The following SERPINB12 variants were observed in gnomAD, a reference collection of about 807,000 sequenced individuals.
SERPINB12 encodes serpin B12.
In SERPINB12, 57 loss-of-function variants were observed where a neutral mutation model predicts 41.1. The observed-to-expected ratio is 1.39, with a 90% CI of 1.12 to 1.73. The LOEUF (loss-of-function observed/expected upper bound fraction) is 1.73, where lower values mean the gene tolerates loss of function less well. SERPINB12 is among the 40% of genes most tolerant of loss of function. SERPINB12 has a pLI of 0.00. For synonymous variants in SERPINB12, 180 were observed against 181.3 expected, an observed-to-expected ratio of 0.99 and a Z score of 0.06; for missense variants, 536 against 501.9, an observed-to-expected ratio of 1.07 and a Z score of -0.65.
At chr18:63,540,752 C>T (rs553482716), upstream of SERPINB12, among the ~76,000 whole-genome samples, 184 of 152,156 alleles carry the variant, frequency 1.2e-3, 2 homozygotes, top group Middle Eastern at 3.4e-3. Flanking sequence ...TTTAATAAAA[C>T]TTTGTATATA....
At chr18:63,556,367 TG>T in intron 2 of SERPINB12, 40 bp downstream of exon 2, 1 of 1,574,984 alleles carries the variant, frequency 6.3e-7, no homozygotes, top group Non-Finnish European at 8.7e-7. Context: ...TCCTAAACTC[TG>T]GGTCCACACT....
the SERPINB12 span, among the ~76,000 whole-genome samples, chr18:63,524,150 AC>A: frequency 1.3e-5 from 2 of 152,184 alleles, no homozygotes; most frequent in African/African-American, 2.4e-5. Flanking sequence ...AAAGATCAAC[AC>A]TTTAAGTAAA....
At chr18:63,544,617 T>C (rs1375649418) in intron 1 of SERPINB12, among the ~76,000 whole-genome samples, 1 of 152,136 alleles carries the variant, frequency 6.6e-6, no homozygotes, top group African/African-American at 2.4e-5. Context: ...GTCTCTGTCA[T>C]ATTGGGGTGG....
chr18:63,566,558 T>C, intron 7 of SERPINB12, 49 bp from the exon 8 acceptor site: 1 of 1,521,110 alleles, frequency 6.6e-7, no homozygotes, highest in Non-Finnish European at 8.8e-7. Context: ...TGGGGCATTC[T>C]TTGTGGTCCC....
chr18:63,545,503 A>G (rs1910367343), intron 1 of SERPINB12, among the ~76,000 whole-genome samples: 1 of 152,216 alleles, frequency 6.6e-6, no homozygotes. Flanking sequence ...CAATCGCACC[A>G]CACCAAATTT....
chr18:63,552,290 C>T (rs567851990), intron 1 of SERPINB12, among the ~76,000 whole-genome samples: 4 of 152,100 alleles, frequency 2.6e-5, no homozygotes, highest in African/African-American at 9.7e-5. Context: ...TCAAAAAGAC[C>T]ATAAACTCAT....
At chr18:63,559,031 T>TTTCTTTCTTTCTTTCC in intron 3 of SERPINB12, among the ~76,000 whole-genome samples, 1 of 70,802 alleles carries the variant, frequency 1.4e-5, no homozygotes, top group East Asian at 2.8e-4. Flanking sequence ...TCTTTCTTTC[T>TTTCTTTCTTTCTTTCC]TTCTTTCTTT....
In SERPINB12 at chr18:63,566,871, G is replaced by T. The variant is rs1261551016; in HGVS notation, c.1138G>T (p.Ala380Ser). Residue 380 changes from alanine to serine, a missense_variant, in exon 8 of 8, where the codon GCT (alanine) becomes TCT (serine). Physicochemically the swap from Ala to Ser is moderately conservative, Grantham distance 99 (BLOSUM62 1). Coordinates refer to ENST00000382768, the MANE Select transcript of SERPINB12 (RefSeq NM_001307928.2). ...VEVDENGTQA[A>S]AATGAVVSER... is the part of the protein sequence containing the mutation. ...GGTGGATGAAAACGGTACCCAGGCA[G>T]CTGCAGCCACTGGGGCTGTTGTCTC... 2 of 1,614,078 alleles carry T rather than the reference G, an allele frequency of 1.2e-6. No individual in the cohort carries two copies. The highest frequency in any genetic ancestry group is 2.7e-5 in the African/African-American group (2 of 74,922).
chr18:63,566,860 G>A lies in SERPINB12; in HGVS notation c.1127G>A (p.Gly376Asp), dbSNP rs374412911. 5.6e-6 allele frequency: 9 copies of A among 1,614,002 alleles called. No individual in the cohort carries two copies. Among genetic ancestry groups the A allele is most frequent in the Non-Finnish European group, 7.6e-6 (9 of 1,180,012 alleles). Residue 376 changes from glycine to aspartate, a missense_variant, in exon 8 of 8, where the codon GGT (glycine) becomes GAT (aspartate). Transcript: ENST00000382768. ...ACCTTTGTGGAGGTGGATGAAAACG[G>A]TACCCAGGCAGCTGCAGCCACTGGG... is the stretch of plus-strand genomic sequence containing the variant. ...HKTFVEVDEN[G>D]TQAAAATGAV... is the part of the protein sequence containing the mutation.
intron 3 of SERPINB12, among the ~76,000 whole-genome samples, chr18:63,558,819 A>AT (rs1010188897): frequency 4.6e-5 from 7 of 152,246 alleles, no homozygotes; most frequent in Middle Eastern, 3.4e-3. Context: ...CAGCTGTGGA[A>AT]TTCTTACTGT....
the SERPINB12 span, among the ~76,000 whole-genome samples, chr18:63,533,478 T>G: frequency 6.6e-6 from 1 of 152,210 alleles, no homozygotes; most frequent in African/African-American, 2.4e-5. Flanking sequence ...TCTGAAATTA[T>G]AGAAGAGCAG....
the SERPINB12 span, among the ~76,000 whole-genome samples, chr18:63,537,031 C>T: frequency 3.3e-5 from 5 of 151,938 alleles, no homozygotes; most frequent in Admixed American, 1.3e-4. Context: ...CTAGAAGAAA[C>T]TGAAGATGAA....
intron 1 of SERPINB12, among the ~76,000 whole-genome samples, chr18:63,543,605 T>A (rs924488445): frequency 2.8e-4 from 43 of 151,908 alleles, no homozygotes; most frequent in Non-Finnish European, 2.5e-4. Flanking sequence ...TTTATTTTTT[T>A]TTTTATTGAG....
At chr18:63,562,896 T>C (rs1000003312) in intron 5 of SERPINB12, among the ~76,000 whole-genome samples, 1 of 152,198 alleles carries the variant, frequency 6.6e-6, no homozygotes, top group Non-Finnish European at 1.5e-5. Flanking sequence ...ACTGGTGATT[T>C]GGTAGTTTGA....
chr18:63,538,563 A>T (rs906639356), upstream of SERPINB12, among the ~76,000 whole-genome samples: 8 of 152,210 alleles, frequency 5.3e-5, no homozygotes, highest in African/African-American at 1.9e-4. Context: ...TTGTGTGAAT[A>T]TACTACATTT....
intron 1 of SERPINB12, 64 bp from the exon 2 acceptor site, chr18:63,556,078 A>AT: frequency 8.5e-7 from 1 of 1,182,956 alleles, no homozygotes; most frequent in Non-Finnish European, 1.2e-6. Flanking sequence ...GTAAAATAAA[A>AT]TTGTTTGTTC....
intron 1 of SERPINB12, among the ~76,000 whole-genome samples, chr18:63,545,958 A>G (rs777834394): frequency 2.0e-5 from 3 of 152,192 alleles, no homozygotes; most frequent in Non-Finnish European, 4.4e-5. Flanking sequence ...TATGCTTACT[A>G]TTGATAATTC....
intron 1 of SERPINB12, among the ~76,000 whole-genome samples, chr18:63,545,004 C>T (rs983217223): frequency 2.0e-5 from 3 of 152,046 alleles, no homozygotes; most frequent in Admixed American, 6.6e-5. Flanking sequence ...TTAATCATAT[C>T]ATTTTGCATC....
intron 1 of SERPINB12, among the ~76,000 whole-genome samples, chr18:63,546,474 C>A (rs1327107419): frequency 2.6e-4 from 40 of 152,346 alleles, no homozygotes; most frequent in Non-Finnish European, 4.4e-5. Flanking sequence ...CACACACCTA[C>A]TGCAGGAAAG....
Sources: gnomAD v4.1 joint callset for allele counts (sites outside exome capture counted in the v4.1 genomes callset) on GRCh38, gnomAD v4.1.1 for gene constraint, MANE v1.5 for transcripts, NCBI Gene and HGNC (gene_info 2026-07-23, HGNC 2026-07-21) for gene names.